Variants in DNMBP observed in about 807,000 individuals in gnomAD.
DNMBP encodes dynamin-binding protein.
A neutral mutation model predicts 150.0 loss-of-function variants in DNMBP; 87 were observed. The observed-to-expected ratio is 0.58, with a 90% CI of 0.49 to 0.69. DNMBP has a LOEUF of 0.69. Among genes scored for constraint, DNMBP ranks in the 30% least tolerant of loss-of-function variants. The pLI, the probability that DNMBP is intolerant of heterozygous loss-of-function variation, is 0.00. For synonymous variants in DNMBP, 711 were observed against 750.4 expected (o/e 0.95, Z 0.86); for missense variants, 1,774 against 1,949.0 (o/e 0.91, Z 1.69).
At chr10:99,882,715 C>T (rs1310867947) in intron 15 of DNMBP, among the ~76,000 whole-genome samples, 1 of 152,160 alleles carries the variant, frequency 6.6e-6, no homozygotes, top group Non-Finnish European at 1.5e-5. Flanking sequence ...GAGATGTAGT[C>T]ATCCACCCAT....
At chr10:99,899,207 A>G in intron 7 of DNMBP, among the ~76,000 whole-genome samples, 1 of 152,062 alleles carries the variant, frequency 6.6e-6, no homozygotes, top group Middle Eastern at 3.4e-3. Flanking sequence ...ATAAAAAAAT[A>G]ATAAAAAATA....
Position 99,962,386 on chromosome 10 carries a change from C to T in DNMBP, c.269-5181G>A, listed in dbSNP as rs1027784678. Among the ~76,000 whole-genome samples, 12 of 152,226 alleles carry T rather than the reference C, an allele frequency of 7.9e-5. No individual in the cohort carries two copies. In the South Asian group the frequency reaches 8.3e-4, roughly 10 times the overall value. On this transcript the variant is annotated intron_variant, in intron 3 of 16. Transcript: ENST00000324109. ...GTGGCTCACGCCTGTAATCCCAGCACTTTGGGACGCCGAGGCAGGGGGATC... is the reference window on the plus strand; with the variant it reads ...GTGGCTCACGCCTGTAATCCCAGCATTTTGGGACGCCGAGGCAGGGGGATC...
chr10:99,955,744 A>G lies in DNMBP; in HGVS notation c.1730T>C (p.Phe577Ser). ...GTEPDKILRH[F>S]SIMDFNSEKD... The stretch of plus-strand genomic sequence containing the variant: ...CTCAGAGTTAAAGTCCATGATTGAA[A>G]AGTGGCGTAAAATTTTATCTGGCTC... The change falls in exon 4 of 17, where the codon TTT (phenylalanine) becomes TCT (serine). Residue 577 changes from phenylalanine to serine, a missense_variant. This residue lies in a region of DNMBP where 1,430 missense variants were observed against 1,492.5 expected (regional missense o/e 0.96). Coordinates refer to ENST00000324109, the MANE Select transcript of DNMBP (RefSeq NM_015221.4). 1 of 1,614,260 alleles carries G rather than the reference A, an allele frequency of 6.2e-7. No individual in the cohort carries two copies. The highest frequency in any genetic ancestry group is 8.5e-7 in the Non-Finnish European group (1 of 1,180,048).
At chr10:99,999,699 C>T (rs865803909) in intron 1 of DNMBP, among the ~76,000 whole-genome samples, 2 of 152,124 alleles carry the variant, frequency 1.3e-5, no homozygotes, top group African/African-American at 2.4e-5. Flanking sequence ...TAAACTGGAT[C>T]GCAGGTAGGT....
intron 1 of DNMBP, among the ~76,000 whole-genome samples, chr10:99,997,926 T>TAAA (rs2040966065): frequency 5.4e-5 from 1 of 18,360 alleles, no homozygotes; most frequent in Non-Finnish European, 9.1e-5. Context: ...AGACTCTGTC[T>TAAA]CAAAAAAAAA....
At chr10:99,882,693 T>C (rs975758478) in intron 15 of DNMBP, among the ~76,000 whole-genome samples, 1 of 152,218 alleles carries the variant, frequency 6.6e-6, no homozygotes, top group African/African-American at 2.4e-5. Flanking sequence ...TGTTTTTGTG[T>C]CATTCATGTT....
chr10:99,992,510 T>C (rs865807894), intron 1 of DNMBP, among the ~76,000 whole-genome samples: 4 of 151,624 alleles, frequency 2.6e-5, no homozygotes, highest in South Asian at 2.1e-4. Flanking sequence ...GGCAGGTAGA[T>C]TGCCTGAATC....
intron 1 of DNMBP, among the ~76,000 whole-genome samples, chr10:100,007,584 C>G (rs1159412523): frequency 2.0e-5 from 3 of 152,202 alleles, no homozygotes; most frequent in Non-Finnish European, 4.4e-5. Flanking sequence ...TGGTTCAATT[C>G]TTGGTGGTCA....
Position 99,895,550 on chromosome 10 carries a change from G to T in DNMBP, c.3052-500C>A, listed in dbSNP as rs535774780. Among the ~76,000 whole-genome samples the T allele has an allele frequency of 9.9e-5, 15 of 152,216 alleles. 1 individual carries two copies. The East Asian group carries it at 1.4e-3, about 14-fold the overall frequency. Reference sequence around the variant, plus strand: ...CAAAAGACCTCCAAAATACACACAGGCCCTCCTTTAAACCTTCTTTGCAAG... The same window carrying T: ...CAAAAGACCTCCAAAATACACACAGTCCCTCCTTTAAACCTTCTTTGCAAG... On this transcript the variant is annotated intron_variant, in intron 10 of 16. Coordinates refer to ENST00000324109, the MANE Select transcript of DNMBP (RefSeq NM_015221.4).
At chr10:99,877,455 A>G in intron 16 of DNMBP, 119 bp from the exon 17 acceptor site, 2 of 683,936 alleles carry the variant, frequency 2.9e-6, no homozygotes, top group Non-Finnish European at 4.8e-6. Flanking sequence ...TGAGCCCCTG[A>G]AATATGGCCA....
intron 1 of DNMBP, among the ~76,000 whole-genome samples, chr10:99,997,927 C>CAAA (rs71009798): frequency 0.41 from 9,252 of 22,316 alleles, 2,752 homozygotes; most frequent in Non-Finnish European, 0.5. Context: ...GACTCTGTCT[C>CAAA]AAAAAAAAAA....
At chr10:100,003,550 A>C (rs1052288980) in intron 1 of DNMBP, among the ~76,000 whole-genome samples, 2 of 152,172 alleles carry the variant, frequency 1.3e-5, no homozygotes, top group African/African-American at 4.8e-5. Context: ...AAGACACATT[A>C]TATGCTCTTG....
intron 9 of DNMBP, among the ~76,000 whole-genome samples, chr10:99,897,402 T>C (rs1470685994): frequency 1.3e-5 from 2 of 152,106 alleles, no homozygotes; most frequent in East Asian, 3.9e-4. Context: ...CTAGCTTTAG[T>C]AGAGGTAGTA....
intron 3 of DNMBP, among the ~76,000 whole-genome samples, chr10:99,963,824 G>A (rs1043281156): frequency 6.6e-6 from 1 of 151,066 alleles, no homozygotes. Context: ...TAAATGCCAG[G>A]GGAACTATGT....
chr10:99,933,095 G>A (rs1158226889), intron 4 of DNMBP, among the ~76,000 whole-genome samples: 43 of 150,424 alleles, frequency 2.9e-4, no homozygotes, highest in Non-Finnish European at 2.9e-5. Flanking sequence ...AGGAGTTTGA[G>A]GCCAGCTTGG....
intron 3 of DNMBP, 149 bp from the exon 4 acceptor site, chr10:99,957,354 T>C (rs2040512400): frequency 4.1e-6 from 3 of 727,574 alleles, no homozygotes; most frequent in Non-Finnish European, 6.6e-6. Flanking sequence ...TTTGACAATT[T>C]ATTGAATTGG....
chr10:99,900,087 T>C (rs372233560), intron 6 of DNMBP, 21 bp from the exon 7 acceptor site: 4 of 1,613,250 alleles, frequency 2.5e-6, no homozygotes, highest in African/African-American at 1.3e-5. Context: ...CACACAAACA[T>C]ACAGTGTTTT....
At chr10:99,929,495 A>C in intron 4 of DNMBP, 1 of 594,942 alleles carries the variant, frequency 1.7e-6, no homozygotes. Flanking sequence ...TGCACTTGAT[A>C]AGAAGTTCAG....
chr10:99,922,366 C>T (rs942428189), intron 4 of DNMBP, among the ~76,000 whole-genome samples: 1 of 152,050 alleles, frequency 6.6e-6, no homozygotes, highest in Non-Finnish European at 1.5e-5. Flanking sequence ...CATTATCTTG[C>T]CTTTCCTTGA....
Sources: gnomAD v4.1 joint callset for allele counts (sites outside exome capture counted in the v4.1 genomes callset) on GRCh38, gnomAD v4.1.1 for gene constraint, gnomAD v4.1.1 regional missense constraint, MANE v1.5 for transcripts, NCBI Gene and HGNC (gene_info 2026-07-23, HGNC 2026-07-21) for gene names.